Variants in TNFSF15 observed in about 807,000 individuals in gnomAD.
TNFSF15 encodes the protein tumor necrosis factor ligand superfamily member 15.
A neutral mutation model predicts 26.4 loss-of-function variants in TNFSF15; 15 were observed. The ratio of observed to expected loss-of-function variants is 0.57; its 90% CI spans 0.38 to 0.87. TNFSF15 has a LOEUF of 0.87. TNFSF15 is among the 40% of genes least tolerant of loss of function. TNFSF15 has a pLI of 0.00. For synonymous variants in TNFSF15, 116 were observed against 115.0 expected (o/e 1.01, Z -0.06); for missense variants, 290 against 306.1 (o/e 0.95, Z 0.39).
At chr9:114,792,271 A>C in intron 3 of TNFSF15, 136 bp downstream of exon 3, 24 of 897,282 alleles carry the variant, frequency 2.7e-5, no homozygotes, top group Non-Finnish European at 3.5e-5. Context: ...ACACACTGGA[A>C]TATTGAGGGG....
chr9:114,794,713 G>A (rs879480417), intron 1 of TNFSF15, among the ~76,000 whole-genome samples: 11 of 152,100 alleles, frequency 7.2e-5, no homozygotes, highest in Non-Finnish European at 1.3e-4. Flanking sequence ...ATGAAATCAC[G>A]TTATTTGCAG....
At chr9:114,791,696 G>A (rs1181920582) in intron 3 of TNFSF15, 1 of 167,078 alleles carries the variant, frequency 6.0e-6, no homozygotes, top group Admixed American at 6.5e-5. Flanking sequence ...GAGGTGCCTT[G>A]GATTTCTGCA....
intron 1 of TNFSF15, among the ~76,000 whole-genome samples, chr9:114,804,758 G>A (rs1829795341): frequency 6.6e-6 from 1 of 152,216 alleles, no homozygotes; most frequent in Non-Finnish European, 1.5e-5. Context: ...CTGAATCACA[G>A]TCTGTTTGTT....
intron 1 of TNFSF15, among the ~76,000 whole-genome samples, chr9:114,803,710 CTCCT>C (rs1829778144): frequency 6.6e-6 from 1 of 152,214 alleles, no homozygotes; most frequent in African/African-American, 2.4e-5. Flanking sequence ...TCAGCATTCC[CTCCT>C]TCCTTCTGTG....
chr9:114,798,373 T>G (rs567791419), intron 1 of TNFSF15, among the ~76,000 whole-genome samples: 114 of 142,520 alleles, frequency 8.0e-4, no homozygotes, highest in African/African-American at 3.0e-3. Context: ...TTGATTTTTG[T>G]TTTTTTTTTT....
intron 1 of TNFSF15, among the ~76,000 whole-genome samples, chr9:114,801,267 A>G (rs1216569612): frequency 6.6e-6 from 1 of 152,198 alleles, no homozygotes; most frequent in Non-Finnish European, 1.5e-5. Context: ...ACCTGGGCCC[A>G]GAGTAAGGCC....
intron 2 of TNFSF15, among the ~76,000 whole-genome samples, chr9:114,792,804 A>G (rs904019489): frequency 6.6e-6 from 1 of 152,234 alleles, no homozygotes; most frequent in African/African-American, 2.4e-5. Flanking sequence ...CCAATGCTCA[A>G]TAAAGCACAA....
intron 1 of TNFSF15, among the ~76,000 whole-genome samples, chr9:114,796,708 T>C (rs1829677292): frequency 6.6e-6 from 1 of 152,192 alleles, no homozygotes; most frequent in African/African-American, 2.4e-5. Flanking sequence ...ATACCCTGCA[T>C]CTGTGATGTG....
At chr9:114,792,295 C>T in intron 3 of TNFSF15, 112 bp downstream of exon 3, 1 of 1,307,878 alleles carries the variant, frequency 7.6e-7, no homozygotes, top group Non-Finnish European at 1.0e-6. Context: ...AGTCTCTTAC[C>T]AAGGAATGTA....
chr9:114,803,456 T>C (rs968392989), intron 1 of TNFSF15, among the ~76,000 whole-genome samples: 8 of 152,202 alleles, frequency 5.3e-5, no homozygotes, highest in Non-Finnish European at 1.0e-4. Flanking sequence ...CATTTCACTG[T>C]ATGTTTACCC....
intron 2 of TNFSF15, 189 bp from the exon 3 acceptor site, chr9:114,792,643 G>T (rs1220140790): frequency 7.4e-7 from 1 of 1,347,410 alleles, no homozygotes; most frequent in East Asian, 2.5e-5. Context: ...CAAGGACAGG[G>T]TGACTCAGAA....
chr9:114,799,244 A>G (rs929992432), intron 1 of TNFSF15, among the ~76,000 whole-genome samples: 2 of 152,218 alleles, frequency 1.3e-5, no homozygotes, highest in African/African-American at 2.4e-5. Context: ...CTTGACCTCA[A>G]TGGAACTGTT....
intron 1 of TNFSF15, among the ~76,000 whole-genome samples, chr9:114,804,458 A>G (rs1016110383): frequency 6.6e-6 from 1 of 152,102 alleles, no homozygotes; most frequent in Non-Finnish European, 1.5e-5. Context: ...GATCGTGGGA[A>G]CCTGTCATGC....
In TNFSF15 at chr9:114,790,700, G is replaced by A. The variant is rs1334265183; in HGVS notation, c.508C>T (p.Arg170Ter). ...GTGATGGAGTCTGGCTTGTTTGGTC[G>A]GCCTGCTTGTCTGATTTCACTGCAC... is the stretch of plus-strand genomic sequence containing the variant. Reference protein sequence around the residue: ...SECSEIRQAGRPNKPDSITVV... With the variant: ...SECSEIRQAG Residue 170 changes from arginine (R) to a stop codon, truncating the protein, a stop_gained, in exon 4 of 4, where the codon CGA becomes TGA. Transcript: ENST00000374045. LOFTEE classifies it high-confidence loss of function. 9 of 1,613,970 alleles carry A rather than the reference G, an allele frequency of 5.6e-6. No individual in the cohort carries two copies. The highest frequency in any genetic ancestry group is 5.0e-5 in the Admixed American group (3 of 60,008).
chr9:114,799,991 G>A (rs935843292), intron 1 of TNFSF15, among the ~76,000 whole-genome samples: 2 of 152,174 alleles, frequency 1.3e-5, no homozygotes, highest in Non-Finnish European at 2.9e-5. Flanking sequence ...GGGATAAGGG[G>A]TCTGCAATTT....
chr9:114,792,199 G>A, intron 3 of TNFSF15: 3 of 585,578 alleles, frequency 5.1e-6, no homozygotes, highest in Admixed American at 7.2e-5. Flanking sequence ...GAAAACGTGT[G>A]TGTGTGTGTA....
chr9:114,799,349 C>A (rs966772936), intron 1 of TNFSF15, among the ~76,000 whole-genome samples: 2 of 152,202 alleles, frequency 1.3e-5, no homozygotes, highest in African/African-American at 4.8e-5. Flanking sequence ...TTCCTCATTT[C>A]TTTGGGCTCA....
chr9:114,800,886 A>G (rs1307414558), intron 1 of TNFSF15, among the ~76,000 whole-genome samples: 2 of 152,216 alleles, frequency 1.3e-5, no homozygotes, highest in Admixed American at 6.5e-5. Context: ...AGCCCAAGCC[A>G]TCACTACAAG....
At chr9:114,797,827 A>C (rs1025785945) in intron 1 of TNFSF15, among the ~76,000 whole-genome samples, 4 of 152,208 alleles carry the variant, frequency 2.6e-5, no homozygotes, top group African/African-American at 4.8e-5. Context: ...TCCAGGATCG[A>C]ATTTTATTAT....
Sources: allele counts gnomAD v4.1 joint callset (sites outside exome capture counted in the v4.1 genomes callset), GRCh38; gene constraint gnomAD v4.1.1; transcripts MANE v1.5; gene names NCBI Gene and HGNC (gene_info 2026-07-23, HGNC 2026-07-21).